Variants in MDGA2 observed in about 807,000 individuals in gnomAD.
MDGA2 encodes the protein MAM domain containing glycosylphosphatidylinositol anchor 2, also known as MAM domain-containing glycosylphosphatidylinositol anchor protein 2.
In MDGA2, 40 loss-of-function variants were observed where a neutral mutation model predicts 117.8. The observed-to-expected ratio is 0.34, with a 90% confidence interval of 0.26 to 0.44. The LOEUF is 0.44. MDGA2 is among the 20% of genes least tolerant of loss of function. The pLI is 1.00. For missense variants in MDGA2, 1,123 were observed against 1,250.6 expected (o/e 0.90, Z 1.54); for synonymous variants, 452 against 439.0 (o/e 1.03, Z -0.37).
chr14:47,158,493 T>TC, intron 3 of MDGA2, among the ~76,000 whole-genome samples: 1 of 151,606 alleles, frequency 6.6e-6, no homozygotes, highest in Non-Finnish European at 1.5e-5. Context: ...CTTTTTTTTT[T>TC]TTTCTGAGAT....
chr14:47,339,480 G>A (rs1426894349), intron 1 of MDGA2, among the ~76,000 whole-genome samples: 1 of 151,970 alleles, frequency 6.6e-6, no homozygotes, highest in Admixed American at 6.6e-5. Context: ...GGGTCATGGG[G>A]GCAGATTCCC....
At chr14:46,892,550 T>A (rs1223730182) in intron 10 of MDGA2, among the ~76,000 whole-genome samples, 1 of 151,822 alleles carries the variant, frequency 6.6e-6, no homozygotes, top group South Asian at 2.1e-4. Flanking sequence ...AAGGGAGCAA[T>A]TAACAAAATG....
intron 1 of MDGA2, among the ~76,000 whole-genome samples, chr14:47,641,056 A>G (rs1052288126): frequency 9.2e-5 from 14 of 151,998 alleles, no homozygotes; most frequent in African/African-American, 2.4e-4. Context: ...AGCAATATTC[A>G]TCTTCTTCCC....
At chr14:47,122,330 T>A (rs1023257182) in intron 5 of MDGA2, among the ~76,000 whole-genome samples, 2 of 151,994 alleles carry the variant, frequency 1.3e-5, no homozygotes, top group Admixed American at 1.3e-4. Flanking sequence ...GCACCAACAT[T>A]AATAATTGAC....
chr14:47,424,452 G>T (rs1892644275), intron 1 of MDGA2, among the ~76,000 whole-genome samples: 1 of 151,848 alleles, frequency 6.6e-6, no homozygotes, highest in South Asian at 2.1e-4. Context: ...ATTTAATTGA[G>T]GTTCAGAGTG....
At chr14:47,537,975 T>C (rs1312417468) in intron 1 of MDGA2, among the ~76,000 whole-genome samples, 3 of 152,210 alleles carry the variant, frequency 2.0e-5, no homozygotes, top group Admixed American at 2.0e-4. Context: ...GTATTATTTA[T>C]ATGATAAGGA....
chr14:47,427,101 T>C (rs556718901), intron 1 of MDGA2, among the ~76,000 whole-genome samples: 1 of 152,252 alleles, frequency 6.6e-6, no homozygotes, highest in East Asian at 1.9e-4. Context: ...TAAATCTCAG[T>C]CTAAACAGGT....
intron 8 of MDGA2, among the ~76,000 whole-genome samples, chr14:47,021,376 T>A (rs976660188): frequency 6.6e-6 from 1 of 152,160 alleles, no homozygotes; most frequent in Admixed American, 6.5e-5. Flanking sequence ...TTATAAACTT[T>A]CAAAATTTTA....
chr14:46,929,848 G>A (rs1194073155), intron 9 of MDGA2, among the ~76,000 whole-genome samples: 4 of 149,738 alleles, frequency 2.7e-5, no homozygotes, highest in Admixed American at 1.3e-4. Context: ...CGTTGGCCAG[G>A]CTGGTCTGGA....
chr14:46,848,282 A>G lies in MDGA2; in HGVS notation c.2884-2411T>C, dbSNP rs559227245. 8.5e-5 allele frequency among the ~76,000 whole-genome samples: 13 copies of G among 152,158 alleles called. No homozygotes were observed. In the South Asian group the frequency reaches 2.7e-3, roughly 32 times the overall value. Reference sequence around the variant, plus strand: ...CATGGATTTCCTATCTTAGCTATGTAAAGGTAAAAAGTTTGAAGAAAATAC... The same window carrying G: ...CATGGATTTCCTATCTTAGCTATGTGAAGGTAAAAAGTTTGAAGAAAATAC... On this transcript the variant is annotated intron_variant, in intron 15 of 16. Coordinates refer to ENST00000399232, the MANE Select transcript of MDGA2 (RefSeq NM_001113498.3).
At chr14:46,945,877 C>T (rs963673655) in intron 9 of MDGA2, among the ~76,000 whole-genome samples, 1 of 151,938 alleles carries the variant, frequency 6.6e-6, no homozygotes, top group Admixed American at 6.6e-5. Flanking sequence ...TAGTATTTTC[C>T]AGATAACTTC....
At chr14:47,322,703 T>C (rs554771665) in intron 1 of MDGA2, among the ~76,000 whole-genome samples, 6 of 152,180 alleles carry the variant, frequency 3.9e-5, no homozygotes, top group Non-Finnish European at 8.8e-5. Flanking sequence ...GATTCTCAGT[T>C]CGGGTTCAGA....
chr14:47,426,555 T>C (rs1407227703), intron 1 of MDGA2, among the ~76,000 whole-genome samples: 4 of 151,686 alleles, frequency 2.6e-5, no homozygotes, highest in African/African-American at 9.7e-5. Flanking sequence ...AGTTAGATAA[T>C]ATAATTAAAA....
At chr14:46,892,594 G>A (rs1595025843) in intron 10 of MDGA2, among the ~76,000 whole-genome samples, 1 of 152,032 alleles carries the variant, frequency 6.6e-6, no homozygotes, top group East Asian at 1.9e-4. Context: ...AATCATGTGT[G>A]AACCACATTA....
At chr14:47,174,485 T>C (rs1186141296) in intron 3 of MDGA2, among the ~76,000 whole-genome samples, 5 of 152,026 alleles carry the variant, frequency 3.3e-5, no homozygotes, top group African/African-American at 1.2e-4. Context: ...GAACTCAGGA[T>C]TAAGAAACTC....
intron 15 of MDGA2, among the ~76,000 whole-genome samples, chr14:46,846,739 A>G (rs1023556934): frequency 1.3e-5 from 2 of 152,106 alleles, no homozygotes; most frequent in Non-Finnish European, 2.9e-5. Context: ...TCTTTTTGAT[A>G]CTGTAAGGCA....
intron 6 of MDGA2, among the ~76,000 whole-genome samples, chr14:47,078,379 T>A (rs1384248968): frequency 6.6e-6 from 1 of 151,984 alleles, no homozygotes; most frequent in African/African-American, 2.4e-5. Context: ...GACAAGTAAC[T>A]CCGAAAGACA....
intron 3 of MDGA2, among the ~76,000 whole-genome samples, chr14:47,179,410 A>C (rs1403864339): frequency 6.6e-6 from 1 of 151,908 alleles, no homozygotes; most frequent in Non-Finnish European, 1.5e-5. Flanking sequence ...CATTTTTTTC[A>C]TAACTCTTTG....
At position 47,036,858 on chromosome 14, in the gene MDGA2, C is replaced by T. The variant is rs1160669183; in HGVS notation, c.1526-1554G>A. Among the ~76,000 whole-genome samples the T allele has an allele frequency of 2.0e-5, 3 of 152,284 alleles. No homozygotes were observed. The East Asian group carries it at 5.8e-4, about 29-fold the overall frequency. On this transcript the variant is annotated intron_variant, in intron 7 of 16. Coordinates refer to ENST00000399232, the MANE Select transcript of MDGA2 (RefSeq NM_001113498.3). The stretch of plus-strand genomic sequence containing the variant: ...TTCCTATTCAAATATCTTCAATTCA[C>T]TTTTTCATTTAATTCCTTCACTTAT...
Sources: gnomAD v4.1 joint callset for allele counts (sites outside exome capture counted in the v4.1 genomes callset) on GRCh38, gnomAD v4.1.1 for gene constraint, MANE v1.5 for transcripts, NCBI Gene and HGNC (gene_info 2026-07-23, HGNC 2026-07-21) for gene names.